CPNE6: variants seen among roughly 807,000 people sequenced by gnomAD.
CPNE6 encodes copine 6, also known as copine-6.
A neutral mutation model predicts 71.5 loss-of-function variants in CPNE6; 33 were observed. The observed-to-expected ratio is 0.46, with a 90% confidence interval of 0.35 to 0.62. The LOEUF is 0.62. Among genes scored for constraint, CPNE6 ranks in the 20% least tolerant of loss-of-function variants. The probability of loss-of-function intolerance (pLI) is 0.00; values close to 1 mark genes in which losing one functional copy is unlikely to be tolerated. For synonymous variants in CPNE6, 296 were observed against 293.0 expected (o/e 1.01, Z -0.10); for missense variants, 576 against 747.3 (o/e 0.77, Z 2.67).
At chr14:24,072,634 G>C (rs1217650342) in intron 2 of CPNE6, 6 of 273,602 alleles carry the variant, frequency 2.2e-5, no homozygotes, top group Non-Finnish European at 4.1e-5. Context: ...TAGATCAATC[G>C]ATGGCCTAGG....
At position 24,073,717 on chromosome 14, in the gene CPNE6, T is replaced by A. The variant is rs1033658150; in HGVS notation, c.348+39T>A. The A allele has an allele frequency of 3.8e-6, 6 of 1,578,076 alleles. No individual in the cohort carries two copies. The highest frequency in any genetic ancestry group is 5.2e-6 in the Non-Finnish European group (6 of 1,162,412). On this transcript the variant is annotated intron_variant, in intron 4 of 17. Coordinates refer to ENST00000397016, the Ensembl canonical transcript of CPNE6. The surrounding 1 kb of genome is among the most constrained non-coding windows in gnomAD (Gnocchi z 5.5). ...GCCTCCCCGGCTACCCTACCCTACC[T>A]CCATCAGCTTTGCCTCTGGAAGCCA...
intron 11 of CPNE6, 91 bp from the exon 11 acceptor site, chr14:24,076,058 A>G: frequency 1.9e-6 from 3 of 1,559,586 alleles, no homozygotes; most frequent in Non-Finnish European, 2.6e-6. Context: ...CCCACCACTC[A>G]TCTTAGTCCT....
chr14:24,071,696 T>C, intron 2 of CPNE6, 55 bp downstream of exon 1: 2 of 691,716 alleles, frequency 2.9e-6, no homozygotes, highest in African/African-American at 3.7e-5. Flanking sequence ...CTTGGCCCAG[T>C]CTCCATAACA....
At chr14:24,071,920 G>C (rs999259831) in intron 2 of CPNE6, 16 of 399,564 alleles carry the variant, frequency 4.0e-5, no homozygotes, top group Non-Finnish European at 7.2e-5. Context: ...CACTTCTGAG[G>C]GAGGTACAGG....
intron 1 of CPNE6, 60 bp from the exon 1 acceptor site, chr14:24,071,502 C>CCG (rs2138839619): frequency 1.2e-4 from 55 of 447,602 alleles, no homozygotes; most frequent in Non-Finnish European, 1.6e-4. Flanking sequence ...TGGTGCTGCG[C>CCG]CCCCCCCCAC....
intron 2 of CPNE6, chr14:24,072,396 A>C: frequency 6.5e-6 from 1 of 152,786 alleles, no homozygotes; most frequent in Non-Finnish European, 1.5e-5. Flanking sequence ...CAGAAGGGGA[A>C]TGGGGGTAGG....
Position 24,074,498 on chromosome 14 carries a change from C to T in CPNE6, c.499-33C>T. 1 of 1,606,364 alleles carries T rather than the reference C, an allele frequency of 6.2e-7. No individual in the cohort carries two copies. Among genetic ancestry groups the T allele is most frequent in the Non-Finnish European group, 8.5e-7 (1 of 1,173,076 alleles). The stretch of plus-strand genomic sequence containing the variant: ...CCCCCACCCTCCTTGCAGCTCTCAC[C>T]AACCTCAAGGGCCCTTTCTCCTGTA... On this transcript the variant is annotated intron_variant, in intron 6 of 17. Coordinates refer to ENST00000397016, the Ensembl canonical transcript of CPNE6. This position sits in a 1 kb window ranked among gnomAD's most constrained non-coding sequence, Gnocchi z 4.5.
chr14:24,078,013 A>C, exon 18 of CPNE6: 4 of 324,086 alleles, frequency 1.2e-5, no homozygotes, highest in African/African-American at 2.1e-5. Flanking sequence ...ATACCCTTCA[A>C]TGCTGTGGCC....
rs2035977830 is a variant in CPNE6, at chr14:24,073,837, T to C, written c.348+159T>C. ...GCTGTGCAGCCTCAGGAAAGATACT[T>C]AACCTCTCTGAGTCTTAGTTTTCCT... is the stretch of plus-strand genomic sequence containing the variant. On this transcript the variant is annotated intron_variant, in intron 4 of 17. Transcript: ENST00000397016. The surrounding 1 kb of genome is among the most constrained non-coding windows in gnomAD (Gnocchi z 5.5). 6.6e-6 allele frequency among the ~76,000 whole-genome samples: 1 copy of C among 152,214 alleles called. No individual in the cohort carries two copies. The highest frequency in any genetic ancestry group is 2.1e-4 in the South Asian group (1 of 4,834).
In CPNE6 at chr14:24,073,066, G is replaced by C; in HGVS notation, c.130G>C (p.Val44Leu). The C allele has an allele frequency of 6.5e-7, 1 of 1,531,448 alleles. No individual in the cohort carries two copies. Among genetic ancestry groups the C allele is most frequent in the Non-Finnish European group, 8.8e-7 (1 of 1,141,368 alleles). The allele number at this position is 1,531,448 out of a possible 1,614,324, so 94.9% of individuals were successfully genotyped here. The change falls in exon 3 of 18, where the codon GTG (valine) becomes CTG (leucine). Residue 44 changes from valine (V) to leucine (L), a missense_variant. By Grantham distance (32) the Val-to-Leu change is conservative. Around this residue, in one of 4 missense-constraint regions of CPNE6, gnomAD observed 89 missense variants for 80.4 expected, o/e 1.11. Coordinates refer to ENST00000397016, the Ensembl canonical transcript of CPNE6. The surrounding 1 kb of genome is among the most constrained non-coding windows in gnomAD (Gnocchi z 5.5). Reference sequence around the variant, plus strand: ...CACACTCACCAAACCCCACCCCTGCGTGCTGCTCAAGCTCTACTCTGATGA... The same window carrying C: ...CACACTCACCAAACCCCACCCCTGCCTGCTGCTCAAGCTCTACTCTGATGA...
At position 24,074,106 on chromosome 14, in the gene CPNE6, C is replaced by A; in HGVS notation, c.404C>A (p.Ala135Glu). Residue 135 changes from alanine to glutamate, a missense_variant, in exon 5 of 18, where the codon GCG (alanine) becomes GAG (glutamate). Physicochemically the swap from Ala to Glu is moderately radical, Grantham distance 107. Around this residue, in one of 4 missense-constraint regions of CPNE6, gnomAD observed 214 missense variants for 291.2 expected, o/e 0.73. Coordinates refer to ENST00000397016, the Ensembl canonical transcript of CPNE6. This position sits in a 1 kb window ranked among gnomAD's most constrained non-coding sequence, Gnocchi z 4.5. Reference sequence around the variant, plus strand: ...TTATTGCTGAAGAATGGGAAGACTGCGGGCAAGTCCACCATCACGGTAGGC... The same window carrying A: ...TTATTGCTGAAGAATGGGAAGACTGAGGGCAAGTCCACCATCACGGTAGGC... 6.2e-7 allele frequency: 1 copy of A among 1,614,092 alleles called. No individual in the cohort carries two copies. Among genetic ancestry groups the A allele is most frequent in the Non-Finnish European group, 8.5e-7 (1 of 1,179,958 alleles).
rs762495919 is a variant in CPNE6, at chr14:24,077,750, C to T, written c.*20C>T. ...CCGTGACTGCCTCCCTCCGGACCGACACTCCCTCAGCCTCTCAGTGAGTCC... is the reference window on the plus strand; with the variant it reads ...CCGTGACTGCCTCCCTCCGGACCGATACTCCCTCAGCCTCTCAGTGAGTCC... On this transcript the variant is annotated 3_prime_UTR_variant, in exon 17 of 18. Transcript: ENST00000397016. The surrounding 1 kb of genome is among the most constrained non-coding windows in gnomAD (Gnocchi z 6.1). 1.2e-5 allele frequency: 18 copies of T among 1,512,876 alleles called. No individual in the cohort carries two copies. Among genetic ancestry groups the T allele is most frequent in the East Asian group, 2.3e-5 (1 of 43,778 alleles). The allele number at this position is 1,512,876 out of a possible 1,614,324, so 93.7% of individuals were successfully genotyped here. A position where few individuals can be genotyped will look rare whatever the true frequency, so the allele number is the denominator to read the frequency against.
chr14:24,074,077 G>A lies in CPNE6; in HGVS notation c.375G>A (p.Lys125=). ...TTGTGTCACAAACCAAGGTCACTAA[G>A]CCATTATTGCTGAAGAATGGGAAGA... is the stretch of plus-strand genomic sequence containing the variant. The change falls in exon 5 of 18, where the codon AAG becomes AAA. Residue 125 remains lysine, a synonymous_variant. Transcript: ENST00000397016. This position sits in a 1 kb window ranked among gnomAD's most constrained non-coding sequence, Gnocchi z 4.5. 1 of 1,614,124 alleles carries A rather than the reference G, an allele frequency of 6.2e-7. No homozygotes were observed. Among genetic ancestry groups the A allele is most frequent in the Non-Finnish European group, 8.5e-7 (1 of 1,180,014 alleles).
chr14:24,075,111 C>A lies in CPNE6; in HGVS notation c.673-61C>A. On this transcript the variant is annotated intron_variant, in intron 8 of 17. Coordinates refer to ENST00000397016, the Ensembl canonical transcript of CPNE6. The surrounding 1 kb of genome is among the most constrained non-coding windows in gnomAD (Gnocchi z 4.3). Reference sequence around the variant, plus strand: ...TACTCCAAGTCCCCGAGTCCCCCTACTCACCGTGAATACCGCAGAGCATCT... The same window carrying A: ...TACTCCAAGTCCCCGAGTCCCCCTAATCACCGTGAATACCGCAGAGCATCT... 8.2e-7 allele frequency: 1 copy of A among 1,213,932 alleles called. No individual in the cohort carries two copies. Among genetic ancestry groups the A allele is most frequent in the Non-Finnish European group, 1.2e-6 (1 of 815,352 alleles). The allele number at this position is 1,213,932 out of a possible 1,614,324, so 75.2% of individuals were successfully genotyped here.
chr14:24,074,722 T>C lies in CPNE6; in HGVS notation c.599T>C (p.Leu200Pro), dbSNP rs950028486. 6.2e-7 allele frequency: 1 copy of C among 1,614,006 alleles called. No homozygotes were observed. Among genetic ancestry groups the C allele is most frequent in the African/African-American group, 1.3e-5 (1 of 74,906 alleles). Residue 200 changes from leucine to proline, a missense_variant, in exon 8 of 18, where the codon CTG (leucine) becomes CCG (proline). Around this residue, in one of 4 missense-constraint regions of CPNE6, gnomAD observed 214 missense variants for 291.2 expected, o/e 0.73. Transcript: ENST00000397016. This position sits in a 1 kb window ranked among gnomAD's most constrained non-coding sequence, Gnocchi z 4.5. ...CTCTCCAAGGTGGTGAAGAACAACC[T>C]GAACCCCAGCTGGGAGCCGTTCCGC... is the stretch of plus-strand genomic sequence containing the variant.
chr14:24,074,106 C>T lies in CPNE6; in HGVS notation c.404C>T (p.Ala135Val). The T allele has an allele frequency of 3.7e-6, 6 of 1,614,092 alleles. No individual in the cohort carries two copies. The highest frequency in any genetic ancestry group is 5.1e-6 in the Non-Finnish European group (6 of 1,179,958). Residue 135 changes from alanine (A) to valine (V), a missense_variant, in exon 5 of 18, where the codon GCG (alanine) becomes GTG (valine). By Grantham distance (64) the Ala-to-Val change is moderately conservative (BLOSUM62 0). Transcript: ENST00000397016. This position sits in a 1 kb window ranked among gnomAD's most constrained non-coding sequence, Gnocchi z 4.5. ...TTATTGCTGAAGAATGGGAAGACTGCGGGCAAGTCCACCATCACGGTAGGC... is the reference window on the plus strand; with the variant it reads ...TTATTGCTGAAGAATGGGAAGACTGTGGGCAAGTCCACCATCACGGTAGGC...
At position 24,073,077 on chromosome 14, in the gene CPNE6, G is replaced by T; in HGVS notation, c.141G>T (p.Lys47Asn). 6.6e-7 allele frequency: 1 copy of T among 1,505,324 alleles called. No individual in the cohort carries two copies. The allele number at this position is 1,505,324 out of a possible 1,614,324, so 93.2% of individuals were successfully genotyped here. The change falls in exon 3 of 18, where the codon AAG (lysine) becomes AAT (asparagine). Residue 47 changes from lysine to asparagine, a missense_variant. Physicochemically the swap from Lys to Asn is moderately conservative, Grantham distance 94. Coordinates refer to ENST00000397016, the Ensembl canonical transcript of CPNE6. This position sits in a 1 kb window ranked among gnomAD's most constrained non-coding sequence, Gnocchi z 5.5. The stretch of plus-strand genomic sequence containing the variant: ...AACCCCACCCCTGCGTGCTGCTCAA[G>T]CTCTACTCTGATGAGCAGTGGGTGG...
chr14:24,074,553 C>A lies in CPNE6; in HGVS notation c.521C>A (p.Pro174His). ...CAGGATCTGTTCAGCAAGTCTGACC[C>A]TTTCATGGAAATCTATAAGACCAAC... Residue 174 changes from proline to histidine, a missense_variant, in exon 7 of 18, where the codon CCT (proline) becomes CAT (histidine). Coordinates refer to ENST00000397016, the Ensembl canonical transcript of CPNE6. The surrounding 1 kb of genome is among the most constrained non-coding windows in gnomAD (Gnocchi z 4.5). The A allele has an allele frequency of 1.2e-6, 2 of 1,614,176 alleles. No individual in the cohort carries two copies. Among genetic ancestry groups the A allele is most frequent in the Non-Finnish European group, 1.7e-6 (2 of 1,180,020 alleles).
In CPNE6 at chr14:24,077,734, C is replaced by T. The variant is rs747781777; in HGVS notation, c.*4C>T. 5.3e-5 allele frequency: 81 copies of T among 1,518,704 alleles called. No homozygotes were observed. Among genetic ancestry groups the T allele is most frequent in the Non-Finnish European group, 1.8e-6 (2 of 1,134,654 alleles). The allele number at this position is 1,518,704 out of a possible 1,614,324, so 94.1% of individuals were successfully genotyped here. On this transcript the variant is annotated 3_prime_UTR_variant, in exon 17 of 18. Transcript: ENST00000397016. The surrounding 1 kb of genome is among the most constrained non-coding windows in gnomAD (Gnocchi z 6.1). Reference sequence around the variant, plus strand: ...GACTCCCAGCCCTAGCCCGTGACTGCCTCCCTCCGGACCGACACTCCCTCA... The same window carrying T: ...GACTCCCAGCCCTAGCCCGTGACTGTCTCCCTCCGGACCGACACTCCCTCA...
Sources: gnomAD v4.1 joint callset for allele counts (sites outside exome capture counted in the v4.1 genomes callset) on GRCh38, gnomAD v4.1.1 for gene constraint, gnomAD v4.1.1 regional missense constraint, Gnocchi (gnomAD v3.1) non-coding constraint, MANE v1.5 for transcripts, NCBI Gene and HGNC (gene_info 2026-07-23, HGNC 2026-07-21) for gene names.